Variants in RSL24D1 observed in about 807,000 individuals in gnomAD.
RSL24D1 encodes the protein ribosomal L24 domain containing 1, also known as probable ribosome biogenesis protein RLP24.
A neutral mutation model predicts 26.2 loss-of-function variants in RSL24D1; 6 were observed. The observed-to-expected ratio is 0.23, with a 90% CI of 0.13 to 0.45. The LOEUF (loss-of-function observed/expected upper bound fraction) is 0.45, where lower values mean the gene tolerates loss of function less well. RSL24D1 is among the 20% of genes least tolerant of loss of function. RSL24D1 has a pLI of 0.99. For synonymous variants in RSL24D1, 61 were observed against 59.1 expected (o/e 1.03, Z -0.15); for missense variants, 176 against 202.6 (o/e 0.87, Z 0.80).
Position 55,182,158 on chromosome 15 carries a change from A to C in RSL24D1, c.486T>G (p.Ala162=). 1 of 1,595,192 alleles carries C rather than the reference A, an allele frequency of 6.3e-7. No individual in the cohort carries two copies. Among genetic ancestry groups the C allele is most frequent in the Middle Eastern group, 1.7e-4 (1 of 5,910 alleles). Residue 162 remains alanine (A), a synonymous_variant, in exon 6 of 6, where the codon GCT becomes GCG. Transcript: ENST00000260443. ...QLQEDVDMED[A]P ...GAAATGGTTACAGAGATTTTTAAGGAGCATCTTCCATGTCCACATCCTCTT... is the reference window on the plus strand; with the variant it reads ...GAAATGGTTACAGAGATTTTTAAGGCGCATCTTCCATGTCCACATCCTCTT...
intron 2 of RSL24D1, chr15:55,192,453 A>G (rs561093767): frequency 8.7e-5 from 27 of 311,368 alleles, no homozygotes; most frequent in African/African-American, 5.6e-4. Flanking sequence ...CTTCATCTCA[A>G]AATCTTTCAG....
At chr15:55,195,162 C>G (rs777799624) in intron 1 of RSL24D1, 4 of 151,536 alleles carry the variant, frequency 2.6e-5, no homozygotes, top group African/African-American at 9.7e-5. Context: ...GACTTGATAA[C>G]TAGATACAAA....
intron 4 of RSL24D1, among the ~76,000 whole-genome samples, chr15:55,184,827 G>T (rs1176004545): frequency 1.3e-5 from 2 of 152,110 alleles, no homozygotes; most frequent in Non-Finnish European, 2.9e-5. Flanking sequence ...AAGGTGCCTA[G>T]CCAAAATCTA....
At chr15:55,185,702 A>G (rs956204843) in intron 3 of RSL24D1, among the ~76,000 whole-genome samples, 3 of 152,276 alleles carry the variant, frequency 2.0e-5, no homozygotes, top group South Asian at 2.1e-4. Context: ...AACCAATCCA[A>G]TGCTTTTCAA....
At chr15:55,188,181 G>A (rs866300866) in intron 3 of RSL24D1, among the ~76,000 whole-genome samples, 1 of 152,150 alleles carries the variant, frequency 6.6e-6, no homozygotes, top group Non-Finnish European at 1.5e-5. Flanking sequence ...GAAATACGAG[G>A]GGTGTGGAGA....
chr15:55,190,512 T>C (rs1331279027), intron 3 of RSL24D1, among the ~76,000 whole-genome samples: 1 of 152,192 alleles, frequency 6.6e-6, no homozygotes, highest in East Asian at 1.9e-4. Flanking sequence ...CTCAGAACAT[T>C]TGTAATGATG....
In RSL24D1 at chr15:55,193,551, A is replaced by G. The variant is rs562469631; in HGVS notation, c.82-718T>C. On this transcript the variant is annotated intron_variant, in intron 1 of 5. Transcript: ENST00000260443. ...AAAAGTAATTATTTGGGGTTTGTGG[A>G]TCTTGGTAAAGAAAATTAAGTTGAA... is the stretch of plus-strand genomic sequence containing the variant. Among the ~76,000 whole-genome samples, 90 of 152,342 alleles carry G rather than the reference A, an allele frequency of 5.9e-4. 1 individual carries two copies. Among genetic ancestry groups the G allele is most frequent in the African/African-American group, 2.2e-3 (90 of 41,584 alleles).
At chr15:55,189,592 G>T (rs147488136) in intron 3 of RSL24D1, among the ~76,000 whole-genome samples, 114 of 152,212 alleles carry the variant, frequency 7.5e-4, no homozygotes, top group Non-Finnish European at 1.3e-3. Context: ...AAAACATAAA[G>T]AGATTTTTTT....
At chr15:55,196,768 C>T (rs1045473976) in intron 1 of RSL24D1, 42 bp downstream of exon 1, 1 of 1,603,434 alleles carries the variant, frequency 6.2e-7, no homozygotes, top group Non-Finnish European at 8.5e-7. Flanking sequence ...CCAGGAACCG[C>T]GGGAGCTAGG....
At chr15:55,182,323 A>G in intron 5 of RSL24D1, 98 bp from the exon 6 acceptor site, 1 of 753,608 alleles carries the variant, frequency 1.3e-6, no homozygotes, top group Admixed American at 2.2e-5. Context: ...GTTTTCAAGT[A>G]ATATTAGCCA....
At chr15:55,189,841 A>G (rs977640059) in intron 3 of RSL24D1, among the ~76,000 whole-genome samples, 2 of 152,214 alleles carry the variant, frequency 1.3e-5, no homozygotes, top group African/African-American at 4.8e-5. Context: ...GCAGAGTAAT[A>G]AAGTTTGTGG....
chr15:55,185,300 A>C, intron 4 of RSL24D1, 62 bp downstream of exon 4: 1 of 1,292,662 alleles, frequency 7.7e-7, no homozygotes, highest in African/African-American at 1.5e-5. Context: ...AAAAAATACT[A>C]ATGCCTCTAA....
intron 3 of RSL24D1, among the ~76,000 whole-genome samples, chr15:55,189,608 T>A (rs1223071555): frequency 6.6e-6 from 1 of 151,648 alleles, no homozygotes; most frequent in African/African-American, 2.4e-5. Flanking sequence ...TTTTTTGCAA[T>A]TTTTTTTTCC....
Position 55,183,336 on chromosome 15 carries a change from G to A in RSL24D1, c.397C>T (p.Leu133Phe), listed in dbSNP as rs757777074. Residue 133 changes from leucine (L) to phenylalanine (F), a missense_variant, in exon 5 of 6, where the codon CTT becomes TTT. Physicochemically the swap from Leu to Phe is conservative, Grantham distance 22. Transcript: ENST00000260443. ...DIKEVKQNIH[L>F]IRAPLAGKGK... ...TCACCTGCAAGAGGGGCTCGGATAA[G>A]ATGGATGTTTTGCTTGACTTCTTTG... The A allele has an allele frequency of 1.9e-6, 3 of 1,611,626 alleles. No homozygotes were observed. Among genetic ancestry groups the A allele is most frequent in the Non-Finnish European group, 2.5e-6 (3 of 1,179,512 alleles).
rs1170289498 is a variant in RSL24D1, at chr15:55,196,899, C to T, written c.-9G>A. The T allele has an allele frequency of 6.2e-7, 1 of 1,613,770 alleles. No individual in the cohort carries two copies. Among genetic ancestry groups the T allele is most frequent in the Non-Finnish European group, 8.5e-7 (1 of 1,179,738 alleles). On this transcript the variant is annotated 5_prime_UTR_variant, in exon 1 of 6. Transcript: ENST00000260443. ...CACTTTTCGATACGCATGTTGAACC[C>T]GCGTGTAACCCCACCAAACAAACGC...
chr15:55,196,247 C>G (rs762606304), intron 1 of RSL24D1: 56 of 440,146 alleles, frequency 1.3e-4, no homozygotes, highest in Non-Finnish European at 2.1e-4. Context: ...TGTTCACTTT[C>G]CTTCCACTTA....
At chr15:55,196,311 C>T (rs1894354990) in intron 1 of RSL24D1, 1 of 456,292 alleles carries the variant, frequency 2.2e-6, no homozygotes, top group Non-Finnish European at 4.4e-6. Flanking sequence ...TAAATATCAC[C>T]TCTATGCTGA....
intron 3 of RSL24D1, among the ~76,000 whole-genome samples, chr15:55,186,623 C>T (rs891803430): frequency 6.6e-6 from 1 of 152,128 alleles, no homozygotes. Flanking sequence ...TAAGGACAAA[C>T]TCAGGAAATG....
chr15:55,192,505 C>A, intron 2 of RSL24D1: 1 of 397,952 alleles, frequency 2.5e-6, no homozygotes, highest in Non-Finnish European at 4.5e-6. Context: ...AAGTGATTTT[C>A]CTCTTGGTCT....
Sources: allele counts gnomAD v4.1 joint callset (sites outside exome capture counted in the v4.1 genomes callset), GRCh38; gene constraint gnomAD v4.1.1; transcripts MANE v1.5; gene names NCBI Gene and HGNC (gene_info 2026-07-23, HGNC 2026-07-21).